RPS6KC1: variants seen among roughly 807,000 people sequenced by gnomAD.
The protein encoded by RPS6KC1 is ribosomal protein S6 kinase C1, also known as inactive ribosomal protein S6 kinase delta-1.
A neutral mutation model predicts 103.8 loss-of-function variants in RPS6KC1; 54 were observed. The ratio of observed to expected loss-of-function variants is 0.52; its 90% CI spans 0.42 to 0.65. RPS6KC1 has a LOEUF of 0.65. Ranked by LOEUF, RPS6KC1 falls within the 30% of genes least tolerant of loss-of-function variation. The pLI is 0.00. For missense variants in RPS6KC1, 1,151 were observed against 1,253.8 expected (o/e 0.92, Z 1.24); for synonymous variants, 439 against 438.7 (o/e 1.00, Z -0.01).
chr1:213,347,996 T>TCTCC, the RPS6KC1 span, among the ~76,000 whole-genome samples: 12 of 151,662 alleles, frequency 7.9e-5, no homozygotes, highest in African/African-American at 2.9e-4. Context: ...TTCAAGGAGG[T>TCTCC]CTGTGTGGTT....
the RPS6KC1 span, among the ~76,000 whole-genome samples, chr1:213,477,794 C>T: frequency 1.3e-5 from 2 of 152,162 alleles, no homozygotes; most frequent in Admixed American, 1.3e-4. Flanking sequence ...TCCCCTCTCC[C>T]TGCATGTATA....
At chr1:213,673,057 C>T in the RPS6KC1 span, among the ~76,000 whole-genome samples, 14 of 152,304 alleles carry the variant, frequency 9.2e-5, no homozygotes, top group African/African-American at 2.4e-4. Flanking sequence ...TGAGGCTCCA[C>T]GCTAAGAATA....
At chr1:213,718,929 C>T in the RPS6KC1 span, among the ~76,000 whole-genome samples, 1 of 152,172 alleles carries the variant, frequency 6.6e-6, no homozygotes, top group Non-Finnish European at 1.5e-5. Context: ...AGTGACAAGA[C>T]AGTGGAGAGA....
At chr1:213,378,161 C>G in the RPS6KC1 span, among the ~76,000 whole-genome samples, 2 of 152,226 alleles carry the variant, frequency 1.3e-5, no homozygotes, top group African/African-American at 4.8e-5. Flanking sequence ...TACCAGACAA[C>G]CACAACTGTG....
intron 8 of RPS6KC1, among the ~76,000 whole-genome samples, chr1:213,205,696 T>G (rs2093331720): frequency 6.6e-6 from 1 of 151,210 alleles, no homozygotes; most frequent in East Asian, 1.9e-4. Flanking sequence ...CAACCATATA[T>G]TTTTGACATA....
At chr1:213,659,185 G>A in the RPS6KC1 span, among the ~76,000 whole-genome samples, 3 of 151,960 alleles carry the variant, frequency 2.0e-5, no homozygotes, top group Admixed American at 6.6e-5. Context: ...GGCTGGTCTC[G>A]AACTCCTGAC....
At chr1:213,051,652 C>A in intron 1 of RPS6KC1, 143 bp downstream of exon 1, 1 of 617,804 alleles carries the variant, frequency 1.6e-6, no homozygotes, top group Non-Finnish European at 2.9e-6. Context: ...ACTTGGGTGT[C>A]GGAGGTTGGG....
At chr1:213,366,334 C>T in the RPS6KC1 span, among the ~76,000 whole-genome samples, 7 of 152,326 alleles carry the variant, frequency 4.6e-5, no homozygotes, top group African/African-American at 1.7e-4. Flanking sequence ...CTGTAAACCA[C>T]CAAGGCATAG....
chr1:213,402,322 G>A, the RPS6KC1 span, among the ~76,000 whole-genome samples: 1 of 152,196 alleles, frequency 6.6e-6, no homozygotes, highest in East Asian at 1.9e-4. Context: ...TGGTGCAGGA[G>A]CTGACACTGC....
the RPS6KC1 span, among the ~76,000 whole-genome samples, chr1:213,399,805 T>C: frequency 2.0e-5 from 3 of 152,156 alleles, no homozygotes; most frequent in Non-Finnish European, 2.9e-5. Context: ...CGGGCCAAGA[T>C]GGCAGATGGC....
the RPS6KC1 span, among the ~76,000 whole-genome samples, chr1:213,566,176 A>C: frequency 6.6e-6 from 1 of 152,192 alleles, no homozygotes; most frequent in South Asian, 2.1e-4. Flanking sequence ...TGTTTATACA[A>C]GTGTTCACTA....
intron 1 of RPS6KC1, among the ~76,000 whole-genome samples, chr1:213,064,456 C>T (rs2078120018): frequency 3.9e-5 from 6 of 152,018 alleles, no homozygotes; most frequent in Admixed American, 3.3e-4. Context: ...TAACCTCCAC[C>T]TCCCGGGTTC....
At chr1:213,363,600 C>T in the RPS6KC1 span, among the ~76,000 whole-genome samples, 14,702 of 74,670 alleles carry the variant, frequency 0.2, 3,132 homozygotes, top group Middle Eastern at 0.29. Flanking sequence ...AGCCCTTGCT[C>T]GCTCGCTTGC....
chr1:213,374,030 A>G, the RPS6KC1 span, among the ~76,000 whole-genome samples: 10 of 152,170 alleles, frequency 6.6e-5, no homozygotes, highest in African/African-American at 2.4e-4. Context: ...TGGCATGTAT[A>G]AGTAGAATTT....
At chr1:213,726,175 T>G in the RPS6KC1 span, among the ~76,000 whole-genome samples, 9 of 152,166 alleles carry the variant, frequency 5.9e-5, no homozygotes, top group Non-Finnish European at 1.2e-4. Flanking sequence ...AGCTTTGACC[T>G]CCTGGGCTCA....
At chr1:213,071,575 C>G (rs1051407968) in intron 2 of RPS6KC1, among the ~76,000 whole-genome samples, 1 of 152,094 alleles carries the variant, frequency 6.6e-6, no homozygotes, top group Non-Finnish European at 1.5e-5. Flanking sequence ...AATTATGGTG[C>G]TGTTTACTAA....
the RPS6KC1 span, among the ~76,000 whole-genome samples, chr1:213,585,324 C>T: frequency 0.049 from 7,394 of 152,118 alleles, 225 homozygotes; most frequent in East Asian, 0.11. Context: ...CCCAGGGCTC[C>T]GGGGATGCAT....
chr1:213,424,523 C>T, the RPS6KC1 span, among the ~76,000 whole-genome samples: 1 of 152,352 alleles, frequency 6.6e-6, no homozygotes, highest in African/African-American at 2.4e-5. Context: ...TGGCTGGTGC[C>T]CTTGTGTTAC....
chr1:213,077,851 AT>A, intron 3 of RPS6KC1, 35 bp downstream of exon 3: 2 of 1,329,950 alleles, frequency 1.5e-6, no homozygotes, highest in African/African-American at 3.0e-5. Context: ...ATTTAAAAAA[AT>A]AATTAATTTT....
Sources: gnomAD v4.1 joint callset for allele counts (sites outside exome capture counted in the v4.1 genomes callset) on GRCh38, gnomAD v4.1.1 for gene constraint, MANE v1.5 for transcripts, NCBI Gene and HGNC (gene_info 2026-07-23, HGNC 2026-07-21) for gene names.